Variants in NTRK1 observed in about 807,000 individuals in gnomAD.
The protein encoded by NTRK1 is high affinity nerve growth factor receptor.
In NTRK1, 62 loss-of-function variants were observed where a neutral mutation model predicts 86.8. The ratio of observed to expected loss-of-function variants is 0.71; its 90% CI spans 0.58 to 0.88. The LOEUF (loss-of-function observed/expected upper bound fraction) is 0.88. Among genes scored for constraint, NTRK1 ranks in the 40% least tolerant of loss-of-function variants. The probability of loss-of-function intolerance (pLI) is 0.00; values close to 1 mark genes in which losing one functional copy is unlikely to be tolerated. For missense variants in NTRK1, 967 were observed against 1,078.4 expected (o/e 0.90, Z 1.45); for synonymous variants, 469 against 456.6 (o/e 1.03, Z -0.35).
At chr1:156,874,336 C>A in intron 8 of NTRK1, 47 bp from the exon 9 acceptor site, 2 of 1,611,776 alleles carry the variant, frequency 1.2e-6, no homozygotes, top group Non-Finnish European at 1.7e-6. Context: ...CCTCTGACTG[C>A]TTTCTCTCCT....
At chr1:156,824,946 A>G (rs1654281879) in intron 1 of NTRK1, among the ~76,000 whole-genome samples, 1 of 152,154 alleles carries the variant, frequency 6.6e-6, no homozygotes, top group Non-Finnish European at 1.5e-5. Context: ...GCTGGAGTAC[A>G]ATGGCGCCTC....
intron 1 of NTRK1, among the ~76,000 whole-genome samples, chr1:156,839,258 C>A (rs539377350): frequency 6.6e-6 from 1 of 152,226 alleles, no homozygotes; most frequent in Non-Finnish European, 1.5e-5. Flanking sequence ...AGGACAACTG[C>A]TGGCGGGCGT....
chr1:156,854,068 C>A lies in NTRK1; in HGVS notation c.51-10286C>A. The A allele has an allele frequency of 6.2e-7, 1 of 1,614,070 alleles. No homozygotes were observed. ...CCAGTGCATAGCCCAGGAAGAGGCG[C>A]GTCCCGCGGATGACTGCTAGGTTGG... On this transcript the variant is annotated intron_variant, in intron 2 of 16. Transcript: ENST00000392302. This position sits in a 1 kb window ranked among gnomAD's most constrained non-coding sequence, Gnocchi z 4.2.
chr1:156,861,158 G>A lies in NTRK1; in HGVS notation c.212+12G>A, dbSNP rs1367303841. ...AACCTGACTGAGCTGTGAGTGTCCGGCGGGCGGTGGGGGGGCGCGGGGACA... is the reference window on the plus strand; with the variant it reads ...AACCTGACTGAGCTGTGAGTGTCCGACGGGCGGTGGGGGGGCGCGGGGACA... On this transcript the variant is annotated intron_variant, in intron 1 of 16. Coordinates refer to ENST00000524377, the MANE Select transcript of NTRK1 (RefSeq NM_002529.4). 2 of 1,549,902 alleles carry A rather than the reference G, an allele frequency of 1.3e-6. No individual in the cohort carries two copies. The highest frequency in any genetic ancestry group is 1.9e-5 in the Admixed American group (1 of 52,974).
At chr1:156,835,305 A>G (rs1654571253) in intron 1 of NTRK1, among the ~76,000 whole-genome samples, 1 of 152,160 alleles carries the variant, frequency 6.6e-6, no homozygotes, top group Non-Finnish European at 1.5e-5. Flanking sequence ...ATGGAGGAAA[A>G]AAATGTCCTT....
chr1:156,832,599 C>A (rs1294071938), intron 1 of NTRK1, among the ~76,000 whole-genome samples: 2 of 152,072 alleles, frequency 1.3e-5, no homozygotes, highest in Admixed American at 6.6e-5. Flanking sequence ...TGAGGGCATG[C>A]AGGCTTAGAG....
chr1:156,821,066 G>C (rs1654175277), intron 1 of NTRK1, among the ~76,000 whole-genome samples: 1 of 152,100 alleles, frequency 6.6e-6, no homozygotes, highest in South Asian at 2.1e-4. Flanking sequence ...ATATTCCTAA[G>C]TTTTTTGTTT....
At chr1:156,879,414 C>G (rs1571703149) in intron 15 of NTRK1, 52 bp downstream of exon 15, 1 of 1,562,122 alleles carries the variant, frequency 6.4e-7, no homozygotes, top group Middle Eastern at 1.7e-4. Context: ...CTGTAGACAC[C>G]CTGGATCCCA....
chr1:156,819,385 G>T (rs1161056766), intron 1 of NTRK1, among the ~76,000 whole-genome samples: 1 of 151,942 alleles, frequency 6.6e-6, no homozygotes, highest in Non-Finnish European at 1.5e-5. Flanking sequence ...ATTTTAATTT[G>T]CATTTCCCTG....
chr1:156,875,140 T>G (rs1647822781), intron 11 of NTRK1, 132 bp downstream of exon 11: 4 of 739,676 alleles, frequency 5.4e-6, no homozygotes, highest in Admixed American at 2.0e-5. Flanking sequence ...GTTTGGGGTA[T>G]AAATGAAGGC....
chr1:156,862,821 G>T (rs1435824882), intron 1 of NTRK1, among the ~76,000 whole-genome samples: 1 of 152,124 alleles, frequency 6.6e-6, no homozygotes, highest in South Asian at 2.1e-4. Flanking sequence ...GGGCTGGGGG[G>T]TGGGTAGAAT....
chr1:156,859,477 G>T (rs1394234625), upstream of NTRK1, among the ~76,000 whole-genome samples: 1 of 152,152 alleles, frequency 6.6e-6, no homozygotes, highest in African/African-American at 2.4e-5. This position sits in a 1 kb window ranked among gnomAD's most constrained non-coding sequence, Gnocchi z 6.2. Flanking sequence ...ACATCTGCGG[G>T]GTAACTTCTG....
In NTRK1 at chr1:156,854,073, C is replaced by T. The variant is rs150399755; in HGVS notation, c.51-10281C>T. ...GCATAGCCCAGGAAGAGGCGCGTCC[C>T]GCGGATGACTGCTAGGTTGGGGAAG... On this transcript the variant is annotated intron_variant, in intron 2 of 16. Transcript: ENST00000392302. This position sits in a 1 kb window ranked among gnomAD's most constrained non-coding sequence, Gnocchi z 4.2. The T allele has an allele frequency of 2.2e-5, 36 of 1,613,962 alleles. No individual in the cohort carries two copies. The South Asian group carries it at 2.3e-4, about 10-fold the overall frequency.
intron 1 of NTRK1, among the ~76,000 whole-genome samples, chr1:156,838,915 G>A (rs1194454237): frequency 2.0e-5 from 3 of 152,254 alleles, no homozygotes; most frequent in Non-Finnish European, 4.4e-5. Context: ...ATGCCTGTGT[G>A]CTCTGTGTGA....
At position 156,842,290 on chromosome 1, in the gene NTRK1, G is replaced by T. The variant is rs771085993; in HGVS notation, c.50+97G>T. On this transcript the variant is annotated intron_variant, in intron 2 of 16. Transcript: ENST00000392302. ...GGTTGTTCTAGAGCCAAGATTGGGGGCTGGTGAGGAAGGAACCCAGAGGCT... is the reference window on the plus strand; with the variant it reads ...GGTTGTTCTAGAGCCAAGATTGGGGTCTGGTGAGGAAGGAACCCAGAGGCT... 6.2e-6 allele frequency: 10 copies of T among 1,613,712 alleles called. No homozygotes were observed. In the East Asian group the frequency reaches 8.9e-5, roughly 14 times the overall value.
At chr1:156,867,101 A>G (rs976015317) in intron 4 of NTRK1, 123 bp downstream of exon 4, 57 of 1,008,418 alleles carry the variant, frequency 5.7e-5, no homozygotes, top group Non-Finnish European at 8.9e-5. Context: ...CTCTTTGGGG[A>G]CTATGTGCAT....
intron 2 of NTRK1, chr1:156,845,669 C>A (rs769385537): frequency 6.2e-7 from 1 of 1,610,578 alleles, no homozygotes; most frequent in Non-Finnish European, 8.5e-7. Flanking sequence ...TCTTCTGGAA[C>A]GAGGCCTCTT....
At chr1:156,824,615 A>G (rs1654273985) in intron 1 of NTRK1, among the ~76,000 whole-genome samples, 1 of 152,160 alleles carries the variant, frequency 6.6e-6, no homozygotes, top group South Asian at 2.1e-4. Flanking sequence ...CTTGGTGCCC[A>G]TTGGTCAGGC....
chr1:156,834,766 G>T (rs902064653), intron 1 of NTRK1, among the ~76,000 whole-genome samples: 1 of 152,070 alleles, frequency 6.6e-6, no homozygotes, highest in Non-Finnish European at 1.5e-5. Flanking sequence ...TTCTGGGTAG[G>T]TGGGGAGGAG....
Sources: gnomAD v4.1 joint callset for allele counts (sites outside exome capture counted in the v4.1 genomes callset) on GRCh38, gnomAD v4.1.1 for gene constraint, Gnocchi (gnomAD v3.1) non-coding constraint, MANE v1.5 for transcripts, NCBI Gene and HGNC (gene_info 2026-07-23, HGNC 2026-07-21) for gene names.